The following HDAC2 variants were observed in gnomAD, a reference collection of about 807,000 sequenced individuals.
HDAC2 encodes YY1-associated factor 1.
A neutral mutation model predicts 68.5 loss-of-function variants in HDAC2; 5 were observed. The observed-to-expected ratio is 0.07, with a 90% confidence interval of 0.04 to 0.15. The LOEUF is 0.15. Among genes scored for constraint, HDAC2 ranks in the 10% least tolerant of loss-of-function variants. The probability of loss-of-function intolerance (pLI) is 1.00; values close to 1 mark genes in which losing one functional copy is unlikely to be tolerated. For missense variants in HDAC2, 291 were observed against 600.8 expected, an observed-to-expected ratio of 0.48 and a Z score of 5.39; for synonymous variants, 182 against 191.3, an observed-to-expected ratio of 0.95 and a Z score of 0.40.
chr6:113,935,776 G>A lies in HDAC2; in HGVS notation c.*5282C>T, dbSNP rs184229186. On this transcript the variant is annotated 3_prime_UTR_variant, in exon 14 of 14. Coordinates refer to ENST00000519065, the MANE Select transcript of HDAC2 (RefSeq NM_001527.4). ...ATCAAGGTGTCTTCTGTCCTTAACT[G>A]TTTGTTCTACTAAAAAAGAATTTTT... 4.3e-4 allele frequency: 66 copies of A among 152,250 alleles called. No individual in the cohort carries two copies. The highest frequency in any genetic ancestry group is 1.4e-3 in the African/African-American group (60 of 41,546). The allele number at this position is 152,250 out of a possible 1,614,324, so 9.4% of individuals were successfully genotyped here.
chr6:113,948,908 C>G, intron 8 of HDAC2, 71 bp downstream of exon 8: 1 of 1,552,750 alleles, frequency 6.4e-7, no homozygotes, highest in Non-Finnish European at 8.7e-7. Flanking sequence ...ACAATGAGAA[C>G]TTTTACGGGG....
chr6:113,962,294 T>C (rs1426790821), intron 1 of HDAC2: 1 of 339,622 alleles, frequency 2.9e-6, no homozygotes, highest in Admixed American at 6.5e-5. Flanking sequence ...AGGAGCTAGA[T>C]TCAAACTCTG....
At chr6:113,943,233 C>T in intron 12 of HDAC2, 118 bp downstream of exon 12, 4 of 699,450 alleles carry the variant, frequency 5.7e-6, no homozygotes, top group Non-Finnish European at 2.4e-6. Flanking sequence ...GAGTCACCTA[C>T]CTAGCATACT....
chr6:113,946,910 A>C (rs1490555504), intron 8 of HDAC2: 1 of 152,120 alleles, frequency 6.6e-6, no homozygotes, highest in Non-Finnish European at 1.5e-5. Context: ...AAAAAGGGAC[A>C]ATGAAAAAAC....
In HDAC2 at chr6:113,941,060, A is replaced by AG. The variant is rs1776119830; in HGVS notation, c.1464dup (p.Ter489LeufsTer13). On this transcript the variant is annotated frameshift_variant, in exon 14 of 14. Coordinates refer to ENST00000519065, the MANE Select transcript of HDAC2 (RefSeq NM_001527.4). LOFTEE classifies it high-confidence loss of function. ...TGAAATTGGTGAGACTGTCAAATTC[A>AG]GGGGTTGCTGAGCTGTTCTGATTTG... 1 of 1,605,824 alleles carries AG rather than the reference A, an allele frequency of 6.2e-7. No homozygotes were observed. Among genetic ancestry groups the AG allele is most frequent in the African/African-American group, 1.3e-5 (1 of 74,736 alleles).
intron 1 of HDAC2, among the ~76,000 whole-genome samples, chr6:113,967,778 G>A (rs572960805): frequency 5.7e-4 from 87 of 152,310 alleles, no homozygotes; most frequent in Non-Finnish European, 6.8e-4. Flanking sequence ...TTAAGGCCCA[G>A]AAGGGATCTT....
rs377005821 is a variant in HDAC2, at chr6:113,958,813, T to C, written c.166-47A>G. 1,816 of 1,012,846 alleles carry C rather than the reference T, an allele frequency of 1.8e-3. 47 individuals carry two copies. In the South Asian group the frequency reaches 0.023, roughly 13 times the overall value. The allele number at this position is 1,012,846 out of a possible 1,614,324, so 62.7% of individuals were successfully genotyped here. On this transcript the variant is annotated intron_variant, in intron 2 of 13. Transcript: ENST00000519065. ...AGAACTGTGGAATTACAACCGGTTATATCAGTATTATCAAACAAATATACA... is the reference window on the plus strand; with the variant it reads ...AGAACTGTGGAATTACAACCGGTTACATCAGTATTATCAAACAAATATACA...
At chr6:113,954,396 A>C (rs1266268424) in intron 5 of HDAC2, among the ~76,000 whole-genome samples, 1 of 152,216 alleles carries the variant, frequency 6.6e-6, no homozygotes, top group Non-Finnish European at 1.5e-5. Context: ...CAAAATTAAA[A>C]AAACAGAAAT....
chr6:113,944,746 G>A (rs556000087), intron 10 of HDAC2, among the ~76,000 whole-genome samples: 61 of 152,164 alleles, frequency 4.0e-4, no homozygotes, highest in Non-Finnish European at 6.5e-4. Flanking sequence ...CTCCCACCTC[G>A]GACTTCCAAA....
At chr6:113,949,825 G>C (rs1776363507) in intron 6 of HDAC2, among the ~76,000 whole-genome samples, 1 of 151,928 alleles carries the variant, frequency 6.6e-6, no homozygotes, top group Non-Finnish European at 1.5e-5. Context: ...TCGTTGCCCA[G>C]GCTGGAGGCG....
chr6:113,969,995 G>C (rs1776938207), intron 1 of HDAC2: 2 of 152,318 alleles, frequency 1.3e-5, no homozygotes, highest in Admixed American at 1.3e-4. Context: ...CAGGACCCAT[G>C]GAGTCTGATC....
In HDAC2 at chr6:113,965,242, C is replaced by T. The variant is rs921528507; in HGVS notation, c.53-5224G>A. On this transcript the variant is annotated intron_variant, in intron 1 of 13. Coordinates refer to ENST00000519065, the MANE Select transcript of HDAC2 (RefSeq NM_001527.4). ...TAAGTGCACCAAGTTCTATTAATAA[C>T]TATCTGGCTTTGCTATTTGTAATAT... Among the ~76,000 whole-genome samples the T allele has an allele frequency of 5.3e-5, 8 of 152,316 alleles. 1 individual carries two copies. The Middle Eastern group carries it at 0.01, about 194-fold the overall frequency.
At chr6:113,970,564 G>A in intron 1 of HDAC2, 1 of 1,241,584 alleles carries the variant, frequency 8.1e-7, no homozygotes, top group Non-Finnish European at 1.0e-6. Context: ...GGGGTAGGCC[G>A]GCGCCGTCCC....
At chr6:113,970,617 G>A (rs976724564) in intron 1 of HDAC2, 4 of 1,332,302 alleles carry the variant, frequency 3.0e-6, no homozygotes, top group South Asian at 4.0e-5. Flanking sequence ...ACGGCCGAAG[G>A]GGGAGAGGCA....
In HDAC2 at chr6:113,940,965, T is replaced by C; in HGVS notation, c.*93A>G. On this transcript the variant is annotated 3_prime_UTR_variant, in exon 14 of 14. Transcript: ENST00000519065. ...ATAAATACAGTCCATGCCAAAGTAG[T>C]ATAAAATGAAGCCAGAAGTCTTCAA... 1.0e-6 allele frequency: 1 copy of C among 954,466 alleles called. No homozygotes were observed. Among genetic ancestry groups the C allele is most frequent in the Non-Finnish European group, 1.6e-6 (1 of 616,478 alleles). The allele number at this position is 954,466 out of a possible 1,614,324, so 59.1% of individuals were successfully genotyped here. A position where few individuals can be genotyped will look rare whatever the true frequency, so the allele number is the denominator to read the frequency against.
At chr6:113,965,722 C>T (rs547969319) in intron 1 of HDAC2, among the ~76,000 whole-genome samples, 40 of 152,278 alleles carry the variant, frequency 2.6e-4, no homozygotes, top group African/African-American at 9.6e-4. Context: ...AGGACTTGAG[C>T]AATCTTTTGT....
At chr6:113,949,336 A>G in intron 6 of HDAC2, 76 bp from the exon 7 acceptor site, 2 of 828,820 alleles carry the variant, frequency 2.4e-6, no homozygotes, top group East Asian at 2.6e-5. Flanking sequence ...TACATTTTGA[A>G]AAGACTGAAA....
chr6:113,963,735 A>G (rs1582497240), intron 1 of HDAC2, among the ~76,000 whole-genome samples: 1 of 151,282 alleles, frequency 6.6e-6, no homozygotes, highest in Admixed American at 6.6e-5. Flanking sequence ...CAACCTGTAC[A>G]TAAAAATACT....
In HDAC2 at chr6:113,971,123, C is replaced by A; in HGVS notation, c.-215G>T. On this transcript the variant is annotated 5_prime_UTR_variant, in exon 1 of 14. Coordinates refer to ENST00000519065, the MANE Select transcript of HDAC2 (RefSeq NM_001527.4). Reference sequence around the variant, plus strand: ...GCCGAAAGCTCGGAATCGGAGGTGGCAGCGGCACCAACTCGCGAGGAGGGG... The same window carrying A: ...GCCGAAAGCTCGGAATCGGAGGTGGAAGCGGCACCAACTCGCGAGGAGGGG... 6 of 1,542,586 alleles carry A rather than the reference C, an allele frequency of 3.9e-6. No homozygotes were observed. Among genetic ancestry groups the A allele is most frequent in the Non-Finnish European group, 5.3e-6 (6 of 1,142,526 alleles).
Sources: gnomAD v4.1 joint callset for allele counts (sites outside exome capture counted in the v4.1 genomes callset) on GRCh38, gnomAD v4.1.1 for gene constraint, MANE v1.5 for transcripts, NCBI Gene and HGNC (gene_info 2026-07-23, HGNC 2026-07-21) for gene names.